CLCN3: variants seen among roughly 807,000 people sequenced by gnomAD.
CLCN3 encodes H(+)/Cl(-) exchange transporter 3.
CLCN3 carries 16 observed loss-of-function variants against 83.4 expected under a neutral mutation model. The observed-to-expected ratio is 0.19, with a 90% CI of 0.13 to 0.29. The LOEUF (loss-of-function observed/expected upper bound fraction) is 0.29, where lower values mean the gene tolerates loss of function less well. Among genes scored for constraint, CLCN3 ranks in the 10% least tolerant of loss-of-function variants. CLCN3 has a pLI of 1.00. For synonymous variants in CLCN3, 322 were observed against 346.2 expected (o/e 0.93, Z 0.78); for missense variants, 544 against 1,006.0 (o/e 0.54, Z 6.21).
Position 169,706,935 on chromosome 4 carries a change from T to C in CLCN3, c.1818T>C (p.Tyr606=), listed in dbSNP as rs2150267031. The C allele has an allele frequency of 1.2e-6, 2 of 1,614,130 alleles. No homozygotes were observed. The highest frequency in any genetic ancestry group is 4.5e-5 in the East Asian group (2 of 44,880). ...IVFELTGGLE[Y]IVPLMAAVMT... is the part of the protein sequence containing the mutation. The stretch of plus-strand genomic sequence containing the variant: ...TTGAGCTTACTGGAGGCTTGGAATA[T>C]ATTGTTCCCCTTATGGCTGCAGTCA... Residue 606 remains tyrosine, a synonymous_variant, in exon 11 of 13, where the codon TAT becomes TAC. Coordinates refer to ENST00000513761, the MANE Select transcript of CLCN3 (RefSeq NM_001829.4).
At chr4:169,705,549 A>G (rs2150265397) in intron 10 of CLCN3, among the ~76,000 whole-genome samples, 1 of 152,326 alleles carries the variant, frequency 6.6e-6, no homozygotes, top group African/African-American at 2.4e-5. Context: ...ATGAGATAAA[A>G]TGCATGCAAA....
chr4:169,709,751 A>G (rs1208392166), intron 11 of CLCN3, among the ~76,000 whole-genome samples: 1 of 152,166 alleles, frequency 6.6e-6, no homozygotes, highest in Non-Finnish European at 1.5e-5. Flanking sequence ...AGGCCCTTGA[A>G]TGAATAGCAC....
At chr4:169,629,592 A>G (rs949292150) in intron 1 of CLCN3, among the ~76,000 whole-genome samples, 1 of 152,088 alleles carries the variant, frequency 6.6e-6, no homozygotes, top group Admixed American at 6.6e-5. Context: ...GCTGGTCTTG[A>G]ACTCCTGACC....
intron 9 of CLCN3, chr4:169,702,806 G>T: frequency 3.3e-6 from 1 of 302,814 alleles, no homozygotes; most frequent in South Asian, 3.0e-5. Flanking sequence ...AAGAAAGCCA[G>T]GTGTGGTGGT....
At chr4:169,701,384 A>C (rs1185968256) in intron 9 of CLCN3, among the ~76,000 whole-genome samples, 1 of 151,942 alleles carries the variant, frequency 6.6e-6, no homozygotes, top group Non-Finnish European at 1.5e-5. Flanking sequence ...GAAGTCTTGA[A>C]CCCCTCAGAG....
chr4:169,625,905 TC>T (rs1174227302), intron 1 of CLCN3, among the ~76,000 whole-genome samples: 1 of 152,064 alleles, frequency 6.6e-6, no homozygotes, highest in South Asian at 2.1e-4. Context: ...TGGGGGTTTC[TC>T]CCCCCACAGC....
Position 169,713,125 on chromosome 4 carries a change from G to A in CLCN3, c.2196G>A (p.Val732=). The change falls in exon 12 of 13, where the codon GTG becomes GTA. Residue 732 remains valine (V), a synonymous_variant. Transcript: ENST00000513761. ...KQEGIVGSSR[V]CFAQHTPSLP... ...AAGGTATCGTTGGCAGTTCTCGGGT[G>A]TGTTTTGCACAGCACACCCCATCTC... is the stretch of plus-strand genomic sequence containing the variant. The A allele has an allele frequency of 6.2e-7, 1 of 1,614,222 alleles. No homozygotes were observed. Among genetic ancestry groups the A allele is most frequent in the Non-Finnish European group, 8.5e-7 (1 of 1,180,036 alleles).
chr4:169,659,275 C>T (rs911624523), intron 2 of CLCN3, among the ~76,000 whole-genome samples: 10 of 152,010 alleles, frequency 6.6e-5, no homozygotes, highest in African/African-American at 2.4e-4. Context: ...AAGCATTGTG[C>T]GGTTTTTGTT....
At chr4:169,690,106 T>A (rs1401605826) in intron 5 of CLCN3, among the ~76,000 whole-genome samples, 2 of 151,772 alleles carry the variant, frequency 1.3e-5, no homozygotes, top group African/African-American at 2.4e-5. Flanking sequence ...CCAGGAGACT[T>A]TTACACATTT....
intron 2 of CLCN3, among the ~76,000 whole-genome samples, chr4:169,673,877 AT>A (rs1245614303): frequency 6.6e-6 from 1 of 152,084 alleles, no homozygotes; most frequent in Non-Finnish European, 1.5e-5. Flanking sequence ...TGCACTATAT[AT>A]TTTTTTCTGA....
chr4:169,689,501 A>G (rs1485750494), intron 5 of CLCN3, among the ~76,000 whole-genome samples: 1 of 152,224 alleles, frequency 6.6e-6, no homozygotes, highest in Non-Finnish European at 1.5e-5. Flanking sequence ...TATTGCAGTA[A>G]GATCTGTGTA....
chr4:169,688,777 T>C (rs1339921516), intron 4 of CLCN3, among the ~76,000 whole-genome samples: 2 of 152,240 alleles, frequency 1.3e-5, no homozygotes, highest in African/African-American at 4.8e-5. Flanking sequence ...GAAGATATTT[T>C]AGTATCTTTT....
At chr4:169,674,812 G>A (rs911892139) in intron 2 of CLCN3, among the ~76,000 whole-genome samples, 21 of 151,994 alleles carry the variant, frequency 1.4e-4, no homozygotes, top group African/African-American at 4.3e-4. Flanking sequence ...GTGCATTGGC[G>A]CAATCACAGC....
chr4:169,649,301 C>T (rs1730667213), intron 2 of CLCN3, among the ~76,000 whole-genome samples: 2 of 152,160 alleles, frequency 1.3e-5, no homozygotes, highest in African/African-American at 4.8e-5. Context: ...CTAAATAATA[C>T]ATGTAAAGTT....
intron 2 of CLCN3, among the ~76,000 whole-genome samples, chr4:169,675,795 T>C (rs1177266842): frequency 6.6e-6 from 1 of 152,200 alleles, no homozygotes; most frequent in East Asian, 1.9e-4. Context: ...TGCTGATAGA[T>C]ACTTAATATT....
intron 12 of CLCN3, among the ~76,000 whole-genome samples, chr4:169,716,337 C>G (rs1041999924): frequency 2.0e-5 from 3 of 152,060 alleles, no homozygotes; most frequent in African/African-American, 7.2e-5. Context: ...ACCTTCCTCA[C>G]AGTATATTTT....
At chr4:169,697,775 T>C in intron 9 of CLCN3, 41 bp downstream of exon 9, 1 of 1,357,572 alleles carries the variant, frequency 7.4e-7, no homozygotes, top group South Asian at 1.3e-5. Context: ...AATTTTGGCA[T>C]GTTCAAAACT....
chr4:169,634,624 A>C (rs1206937308), intron 1 of CLCN3, among the ~76,000 whole-genome samples: 1 of 152,232 alleles, frequency 6.6e-6, no homozygotes. Context: ...GCAAAGCAGC[A>C]AGTATTTACA....
chr4:169,715,699 G>A (rs1417893144), intron 12 of CLCN3, among the ~76,000 whole-genome samples: 3 of 152,072 alleles, frequency 2.0e-5, no homozygotes, highest in Non-Finnish European at 2.9e-5. Context: ...AGGGAAAGAT[G>A]TTTGTAAATT....
Sources: allele counts gnomAD v4.1 joint callset (sites outside exome capture counted in the v4.1 genomes callset), GRCh38; gene constraint gnomAD v4.1.1; transcripts MANE v1.5; gene names NCBI Gene and HGNC (gene_info 2026-07-23, HGNC 2026-07-21).